VSIG10: variants seen among roughly 807,000 people sequenced by gnomAD.
VSIG10 encodes V-set and immunoglobulin domain containing 10.
In VSIG10, 48 loss-of-function variants were observed where a neutral mutation model predicts 58.7. The ratio of observed to expected loss-of-function variants is 0.82; its 90% CI spans 0.65 to 1.04. The LOEUF (loss-of-function observed/expected upper bound fraction) is 1.04. Among genes scored for constraint, VSIG10 ranks in the 50% least tolerant of loss-of-function variants. The probability of loss-of-function intolerance (pLI) is 0.00; values close to 1 mark genes in which losing one functional copy is unlikely to be tolerated. For synonymous variants in VSIG10, 260 were observed against 267.1 expected, an observed-to-expected ratio of 0.97 and a Z score of 0.26; for missense variants, 628 against 670.0, an observed-to-expected ratio of 0.94 and a Z score of 0.69.
intron 2 of VSIG10, among the ~76,000 whole-genome samples, chr12:118,085,089 C>T (rs542454130): frequency 6.6e-6 from 1 of 152,276 alleles, no homozygotes. Context: ...GCAAGAATCA[C>T]CCCACCTTCT....
At chr12:118,103,369 C>G (rs899112215) in intron 1 of VSIG10, among the ~76,000 whole-genome samples, 1 of 152,182 alleles carries the variant, frequency 6.6e-6, no homozygotes, top group Non-Finnish European at 1.5e-5. Flanking sequence ...GCTGCCCACC[C>G]CAGGAGGCTG....
Position 118,065,977 on chromosome 12 carries a change from GA to G in VSIG10, c.*661del, listed in dbSNP as rs2032231862. ...AGGTGAGGAAATTGAGGCCAAGAGA[GA>G]GGTAAAGAGTCGTGCTCTAGCCCAT... On this transcript the variant is annotated 3_prime_UTR_variant, in exon 9 of 9. Coordinates refer to ENST00000359236, the MANE Select transcript of VSIG10 (RefSeq NM_019086.6). The G allele has an allele frequency of 6.6e-6, 1 of 152,262 alleles. No individual in the cohort carries two copies. The highest frequency in any genetic ancestry group is 1.9e-4 in the East Asian group (1 of 5,180). 9.4% of individuals were successfully genotyped at this position (152,262 alleles called of 1,614,324 possible).
chr12:118,081,467 G>A (rs564967968), intron 3 of VSIG10, among the ~76,000 whole-genome samples: 12 of 151,898 alleles, frequency 7.9e-5, no homozygotes, highest in Non-Finnish European at 1.6e-4. Context: ...GATTACAGGT[G>A]TGAGCCACTG....
chr12:118,081,374 T>G (rs1197282836), intron 3 of VSIG10, among the ~76,000 whole-genome samples: 1 of 152,084 alleles, frequency 6.6e-6, no homozygotes, highest in East Asian at 2.0e-4. Context: ...TCGCCCAGGC[T>G]GAAGTGCAGT....
At chr12:118,071,266 C>T in intron 6 of VSIG10, 93 bp downstream of exon 6, 1 of 1,364,720 alleles carries the variant, frequency 7.3e-7, no homozygotes, top group Non-Finnish European at 1.0e-6. Flanking sequence ...GAGAACAGAA[C>T]TTCAGGTGGG....
Position 118,071,056 on chromosome 12 carries a change from A to T in VSIG10, c.1342T>A (p.Ser448Thr). The change falls in exon 7 of 9, where the codon TCC (serine) becomes ACC (threonine). Residue 448 changes from serine (S) to threonine (T), a missense_variant. By Grantham distance (58) the Ser-to-Thr change is moderately conservative. Transcript: ENST00000359236. ...TTGATTCTAGGGAACACTCACCTGG[A>T]AGTGTTTCCTACTGAAGAGAGAAAG... ...PVFCWKVGNT[S>T]RGQNMDDVMV... 1 of 1,601,236 alleles carries T rather than the reference A, an allele frequency of 6.2e-7. No homozygotes were observed. Among genetic ancestry groups the T allele is most frequent in the South Asian group, 1.1e-5 (1 of 88,420 alleles).
At position 118,095,745 on chromosome 12, in the gene VSIG10, A is replaced by C. The variant is rs1427642099; in HGVS notation, c.149T>G (p.Leu50Arg). Residue 50 changes from leucine (L) to arginine (R), a missense_variant, in exon 2 of 9, where the codon CTG becomes CGG. Leu to Arg is a moderately radical substitution (Grantham distance 102). Coordinates refer to ENST00000359236, the MANE Select transcript of VSIG10 (RefSeq NM_019086.6). Reference protein sequence around the residue: ...VTLHCGNISGLRGQVTWYRNN... With the variant: ...VTLHCGNISGRRGQVTWYRNN... ...CCGGTACCAGGTCACCTGGCCCCTCAGTCCCGAGATGTTGCCACAGTGCAG... is the reference window on the plus strand; with the variant it reads ...CCGGTACCAGGTCACCTGGCCCCTCCGTCCCGAGATGTTGCCACAGTGCAG... 6.2e-7 allele frequency: 1 copy of C among 1,613,718 alleles called. No homozygotes were observed. Among genetic ancestry groups the C allele is most frequent in the South Asian group, 1.1e-5 (1 of 91,040 alleles).
intron 1 of VSIG10, 85 bp from the exon 2 acceptor site, chr12:118,095,899 T>A (rs2033437139): frequency 7.0e-7 from 1 of 1,435,706 alleles, no homozygotes; most frequent in South Asian, 1.5e-5. Flanking sequence ...GTATTAGGAT[T>A]TTTTTAAAAA....
At chr12:118,072,372 G>A (rs1006489759) in intron 5 of VSIG10, among the ~76,000 whole-genome samples, 31 of 151,786 alleles carry the variant, frequency 2.0e-4, no homozygotes, top group Middle Eastern at 3.2e-3. Flanking sequence ...GGCTGAGGCA[G>A]GAGAATGGCA....
chr12:118,082,327 C>A lies in VSIG10; in HGVS notation c.464G>T (p.Ser155Ile). The A allele has an allele frequency of 6.2e-7, 1 of 1,613,956 alleles. No homozygotes were observed. Among genetic ancestry groups the A allele is most frequent in the Non-Finnish European group, 8.5e-7 (1 of 1,179,894 alleles). Residue 155 changes from serine to isoleucine, a missense_variant, in exon 3 of 9, where the codon AGC (serine) becomes ATC (isoleucine). By Grantham distance (142) the Ser-to-Ile change is moderately radical. Coordinates refer to ENST00000359236, the MANE Select transcript of VSIG10 (RefSeq NM_019086.6). ...AACCACGGGTGGTGGCCTGGAGCTG[C>A]TGTTGCAGCTGAAGTCCACCTGGGA... ...RGSQVDFSCNSSSRPPPVVEW... is the reference protein window; with the variant it reads ...RGSQVDFSCNISSRPPPVVEW...
chr12:118,097,885 T>G (rs183311447), intron 1 of VSIG10, among the ~76,000 whole-genome samples: 1 of 152,276 alleles, frequency 6.6e-6, no homozygotes, highest in African/African-American at 2.4e-5. Flanking sequence ...ATTGTACCAC[T>G]GTACTCCAGC....
Position 118,103,834 on chromosome 12 carries a change from G to T in VSIG10, c.-163C>A. 1.5e-6 allele frequency: 1 copy of T among 655,422 alleles called. No individual in the cohort carries two copies. The highest frequency in any genetic ancestry group is 2.3e-6 in the Non-Finnish European group (1 of 428,640). 40.6% of individuals were successfully genotyped at this position (655,422 alleles called of 1,614,324 possible). A position where few individuals can be genotyped will look rare whatever the true frequency, so the allele number is the denominator to read the frequency against. On this transcript the variant is annotated 5_prime_UTR_variant, in exon 1 of 9. Transcript: ENST00000359236. ...CAGGAAGGATGCTTGGCTGAGCCGAGTGTCCAGGGCCGGCAGCGGAGCTCG... is the reference window on the plus strand; with the variant it reads ...CAGGAAGGATGCTTGGCTGAGCCGATTGTCCAGGGCCGGCAGCGGAGCTCG...
In VSIG10 at chr12:118,066,680, C is replaced by T. The variant is rs2032259632; in HGVS notation, c.1582G>A (p.Glu528Lys). The change falls in exon 9 of 9, where the codon GAG (glutamate) becomes AAG (lysine). Residue 528 changes from glutamate to lysine, a missense_variant. Coordinates refer to ENST00000359236, the MANE Select transcript of VSIG10 (RefSeq NM_019086.6). ...TCTTCTTGAACAATGTCACTTTGCT[C>T]CTCACTGCTGTCATCTGTATGGGGG... ...FQDLQDDSSE[E>K]QSDIVQEEDR... 6.2e-7 allele frequency: 1 copy of T among 1,611,820 alleles called. No individual in the cohort carries two copies. The highest frequency in any genetic ancestry group is 8.5e-7 in the Non-Finnish European group (1 of 1,178,718).
chr12:118,086,738 A>T (rs1592878528), intron 2 of VSIG10, among the ~76,000 whole-genome samples: 1 of 152,098 alleles, frequency 6.6e-6, no homozygotes, highest in East Asian at 1.9e-4. Flanking sequence ...CTGCAAAAAT[A>T]TTTGTTTAAT....
intron 4 of VSIG10, among the ~76,000 whole-genome samples, chr12:118,074,242 C>T (rs1214400519): frequency 2.6e-5 from 4 of 151,970 alleles, no homozygotes; most frequent in Middle Eastern, 3.2e-3. Flanking sequence ...CGCCACCACA[C>T]CTGGCTAATT....
intron 2 of VSIG10, among the ~76,000 whole-genome samples, chr12:118,083,114 C>CAAAAAA (rs61523301): frequency 3.6e-4 from 20 of 55,030 alleles, no homozygotes; most frequent in South Asian, 1.1e-3. Context: ...CTCCGTCTCA[C>CAAAAAA]AAAAAAAAAA....
At chr12:118,079,647 T>G in intron 3 of VSIG10, 41 bp from the exon 4 acceptor site, 1 of 1,605,504 alleles carries the variant, frequency 6.2e-7, no homozygotes, top group Non-Finnish European at 8.5e-7. Flanking sequence ...AATCACAGAC[T>G]CTAGGATCAG....
At chr12:118,094,550 A>AT (rs2033390538) in intron 2 of VSIG10, among the ~76,000 whole-genome samples, 1 of 151,090 alleles carries the variant, frequency 6.6e-6, no homozygotes, top group South Asian at 2.1e-4. Flanking sequence ...TGCCTGGCTA[A>AT]TTTTTGTATT....
chr12:118,078,846 G>C (rs2032827478), intron 4 of VSIG10, among the ~76,000 whole-genome samples: 1 of 147,832 alleles, frequency 6.8e-6, no homozygotes. Context: ...GGCTAAGGCA[G>C]GAGAATTGCT....
Sources: gnomAD v4.1 joint callset for allele counts (sites outside exome capture counted in the v4.1 genomes callset) on GRCh38, gnomAD v4.1.1 for gene constraint, MANE v1.5 for transcripts, NCBI Gene and HGNC (gene_info 2026-07-23, HGNC 2026-07-21) for gene names.